OSBP2: variants seen among roughly 807,000 people sequenced by gnomAD.
OSBP2 encodes oxysterol-binding protein 2.
OSBP2 carries 66 observed loss-of-function variants against 96.0 expected under a neutral mutation model. That is an observed-to-expected ratio of 0.69 (90% confidence interval 0.56 to 0.84). OSBP2 has a LOEUF of 0.84. OSBP2 is among the 40% of genes least tolerant of loss of function. The pLI is 0.00. For missense variants in OSBP2, 1,038 were observed against 1,222.7 expected, an observed-to-expected ratio of 0.85 and a Z score of 2.25; for synonymous variants, 525 against 520.9, an observed-to-expected ratio of 1.01 and a Z score of -0.11.
intron 2 of OSBP2, among the ~76,000 whole-genome samples, chr22:30,787,401 G>A (rs1022579027): frequency 6.6e-6 from 1 of 151,990 alleles, no homozygotes. Context: ...GGCCGGATGC[G>A]GTGGCTCACG....
intron 2 of OSBP2, among the ~76,000 whole-genome samples, chr22:30,786,780 A>G (rs193060822): frequency 6.6e-6 from 1 of 152,002 alleles, no homozygotes; most frequent in East Asian, 1.9e-4. Context: ...TAGCAGGGCA[A>G]AACATGCATC....
chr22:30,887,165 C>T (rs987316906), intron 3 of OSBP2, among the ~76,000 whole-genome samples: 1 of 152,170 alleles, frequency 6.6e-6, no homozygotes, highest in African/African-American at 2.4e-5. Context: ...AGAGGTCACT[C>T]TCGTCGCCAT....
chr22:30,749,620 A>G (rs1009529762), intron 2 of OSBP2, among the ~76,000 whole-genome samples: 1 of 151,582 alleles, frequency 6.6e-6, no homozygotes, highest in African/African-American at 2.4e-5. Flanking sequence ...TTTGTTTTTT[A>G]TTTTTGAGAT....
In OSBP2 at chr22:30,708,478, A is replaced by ATTTTTTTTTTTTT. The variant is rs56361178; in HGVS notation, c.644+12941_644+12953dup. On this transcript the variant is annotated intron_variant, in intron 1 of 13. Transcript: ENST00000332585. ...CAGTATATATCTCTAAAGGATAAGGATTTTTTTTTTTTTTTTTTTTTTTTT... is the reference window on the plus strand; with the variant it reads ...CAGTATATATCTCTAAAGGATAAGGATTTTTTTTTTTTTTTTTTTTTTTTTTTTTTTTTTTTTT... 9.5e-5 allele frequency among the ~76,000 whole-genome samples: 6 copies of ATTTTTTTTTTTTT among 63,458 alleles called. 2 individuals carry two copies. Among genetic ancestry groups the ATTTTTTTTTTTTT allele is most frequent in the Non-Finnish European group, 1.1e-4 (4 of 37,354 alleles). 41.6% of individuals were successfully genotyped at this position (63,458 alleles called of 152,430 possible).
intron 1 of OSBP2, among the ~76,000 whole-genome samples, chr22:30,738,386 C>T (rs2089886603): frequency 6.6e-6 from 1 of 152,128 alleles, no homozygotes; most frequent in African/African-American, 2.4e-5. Context: ...AGGCTCCCAA[C>T]AGGCATGCCC....
Position 30,887,380 on chromosome 22 carries a change from C to T in OSBP2, c.1108-46C>T, listed in dbSNP as rs1022156551. On this transcript the variant is annotated intron_variant, in intron 3 of 13. Transcript: ENST00000332585. ...GTTCACATGCCTCTGACAGATGGGC[C>T]CCTGCCAGAGGCCAGGGTCTCATAC... is the stretch of plus-strand genomic sequence containing the variant. The T allele has an allele frequency of 2.6e-6, 4 of 1,537,718 alleles. No individual in the cohort carries two copies. In the African/African-American group the frequency reaches 4.1e-5, roughly 16 times the overall value.
intron 2 of OSBP2, among the ~76,000 whole-genome samples, chr22:30,757,323 G>A (rs980300201): frequency 1.6e-4 from 24 of 152,166 alleles, no homozygotes; most frequent in Non-Finnish European, 3.5e-4. Context: ...AATGATTCCA[G>A]TGGAGACATT....
intron 1 of OSBP2, among the ~76,000 whole-genome samples, chr22:30,717,948 G>T (rs2145698783): frequency 6.6e-6 from 1 of 152,310 alleles, no homozygotes. Context: ...TTGCCCAGTG[G>T]TGATTTAAAC....
intron 2 of OSBP2, among the ~76,000 whole-genome samples, chr22:30,745,060 AAC>A (rs2089981272): frequency 6.6e-6 from 1 of 152,218 alleles, no homozygotes; most frequent in Admixed American, 6.5e-5. Context: ...CATACTCTTA[AAC>A]AATGAGTGGA....
chr22:30,751,061 TC>T (rs1468304057), intron 2 of OSBP2, among the ~76,000 whole-genome samples: 4 of 152,056 alleles, frequency 2.6e-5, no homozygotes, highest in Admixed American at 1.3e-4. Flanking sequence ...ACTCTTAAAA[TC>T]AATTGCCAAT....
At chr22:30,778,169 C>CTTTTTTTTTTTTTTTTTTTTT (rs1569119423) in intron 2 of OSBP2, among the ~76,000 whole-genome samples, 2 of 124,182 alleles carry the variant, frequency 1.6e-5, no homozygotes, top group Non-Finnish European at 1.7e-5. Context: ...TAATTTTTGC[C>CTTTTTTTTTTTTTTTTTTTTT]CTTTTTTTTT....
At chr22:30,889,118 C>A (rs2039884714) in intron 5 of OSBP2, 59 bp from the exon 6 acceptor site, 1 of 1,474,642 alleles carries the variant, frequency 6.8e-7, no homozygotes, top group African/African-American at 1.4e-5. Flanking sequence ...GAGGATGGGC[C>A]AGGTCCCAAG....
intron 2 of OSBP2, among the ~76,000 whole-genome samples, chr22:30,784,935 GCTAA>G (rs929277663): frequency 3.9e-5 from 6 of 152,016 alleles, no homozygotes; most frequent in African/African-American, 1.2e-4. Flanking sequence ...ACCATGTCTG[GCTAA>G]CTTTTTTCAT....
chr22:30,725,521 A>AAAAAAC (rs931936475), intron 1 of OSBP2, among the ~76,000 whole-genome samples: 84 of 148,076 alleles, frequency 5.7e-4, no homozygotes, highest in African/African-American at 1.4e-3. Flanking sequence ...CCCCTCCACC[A>AAAAAAC]AAAAACAAAA....
chr22:30,887,952 A>G (rs2039853065), intron 4 of OSBP2, among the ~76,000 whole-genome samples: 1 of 152,254 alleles, frequency 6.6e-6, no homozygotes, highest in Non-Finnish European at 1.5e-5. Context: ...TCAGAAAGGG[A>G]AGCTGGGCCA....
At chr22:30,720,022 C>T (rs1056279812) in intron 1 of OSBP2, among the ~76,000 whole-genome samples, 1 of 152,206 alleles carries the variant, frequency 6.6e-6, no homozygotes, top group African/African-American at 2.4e-5. Context: ...TTAAACAACT[C>T]TGAATGTTAG....
chr22:30,874,581 T>C (rs1363487856), intron 3 of OSBP2, among the ~76,000 whole-genome samples: 1 of 152,126 alleles, frequency 6.6e-6, no homozygotes, highest in East Asian at 1.9e-4. Context: ...CAGCTAGTGG[T>C]GCAGGCCCAT....
chr22:30,757,625 C>G (rs1569111148), intron 2 of OSBP2, among the ~76,000 whole-genome samples: 1 of 152,112 alleles, frequency 6.6e-6, no homozygotes, highest in South Asian at 2.1e-4. Flanking sequence ...ACCATGTTGG[C>G]CAGGCTGGTC....
chr22:30,825,270 C>T (rs2038373591), intron 2 of OSBP2, among the ~76,000 whole-genome samples: 1 of 152,152 alleles, frequency 6.6e-6, no homozygotes. Context: ...GGAAGATCAC[C>T]TGAGGTCAGG....
Sources: gnomAD v4.1 joint callset for allele counts (sites outside exome capture counted in the v4.1 genomes callset) on GRCh38, gnomAD v4.1.1 for gene constraint, MANE v1.5 for transcripts, NCBI Gene and HGNC (gene_info 2026-07-23, HGNC 2026-07-21) for gene names.